CCDC186: variants seen among roughly 807,000 people sequenced by gnomAD.
CCDC186 encodes coiled-coil domain containing 186.
A neutral mutation model predicts 113.7 loss-of-function variants in CCDC186; 49 were observed. That is an observed-to-expected ratio of 0.43 (90% CI 0.34 to 0.55). CCDC186 has a LOEUF of 0.55. Among genes scored for constraint, CCDC186 ranks in the 20% least tolerant of loss-of-function variants. The probability of loss-of-function intolerance (pLI) is 0.02; values close to 1 mark genes in which losing one functional copy is unlikely to be tolerated. For missense variants in CCDC186, 890 were observed against 1,011.1 expected, an observed-to-expected ratio of 0.88 and a Z score of 1.62; for synonymous variants, 355 against 345.8, an observed-to-expected ratio of 1.03 and a Z score of -0.30.
chr10:114,145,719 T>C lies in CCDC186; in HGVS notation c.931A>G (p.Met311Val). 3 of 1,603,338 alleles carry C rather than the reference T, an allele frequency of 1.9e-6. No homozygotes were observed. In the South Asian group the frequency reaches 3.4e-5, roughly 18 times the overall value. Residue 311 changes from methionine (M) to valine (V), a missense_variant, in exon 5 of 16, where the codon ATG becomes GTG. Coordinates refer to ENST00000369287, the MANE Select transcript of CCDC186 (RefSeq NM_018017.4). ...CEEARQEKEA[M>V]VMKYVRGEKE... ...TCACCTCTTACATATTTCATTACCA[T>C]TGCTTCTTTTTCTTGGCGTGCCTCT...
At chr10:114,158,381 T>C (rs1010384933) in intron 2 of CCDC186, among the ~76,000 whole-genome samples, 1 of 152,184 alleles carries the variant, frequency 6.6e-6, no homozygotes, top group Admixed American at 6.5e-5. Context: ...AAATGTAAGA[T>C]GCCTAAGAAA....
intron 3 of CCDC186, among the ~76,000 whole-genome samples, chr10:114,154,227 AG>A (rs71476120): frequency 9.5e-4 from 141 of 147,870 alleles, no homozygotes; most frequent in African/African-American, 3.0e-3. Flanking sequence ...AAAAAAAAAA[AG>A]AAAAGAAAAA....
rs964013478 is a variant in CCDC186 at position 114,145,688 on chromosome 10, T to C, written c.962A>G (p.Glu321Gly). The C allele has an allele frequency of 6.2e-7, 1 of 1,612,908 alleles. No individual in the cohort carries two copies. The highest frequency in any genetic ancestry group is 8.5e-7 in the Non-Finnish European group (1 of 1,179,820). ...TTTTTCCTTTCGAAGATCTAAAGAT[T>C]CCTTCTCACCTCTTACATATTTCAT... is the stretch of plus-strand genomic sequence containing the variant. ...MVMKYVRGEK[E>G]SLDLRKEKET... The change falls in exon 5 of 16, where the codon GAA becomes GGA. Residue 321 changes from glutamate (E) to glycine (G), a missense_variant. Glu to Gly is a moderately conservative substitution (Grantham distance 98). Transcript: ENST00000369287.
At chr10:114,165,605 G>T (rs2032311732) in intron 1 of CCDC186, among the ~76,000 whole-genome samples, 1 of 152,150 alleles carries the variant, frequency 6.6e-6, no homozygotes, top group Non-Finnish European at 1.5e-5. Flanking sequence ...GCAGAGAACT[G>T]CTTGAACCCG....
Position 114,135,916 on chromosome 10 carries a change from TC to T in CCDC186, c.1486del (p.Asp496MetfsTer3). 1 of 1,612,976 alleles carries T rather than the reference TC, an allele frequency of 6.2e-7. No individual in the cohort carries two copies. On this transcript the variant is annotated frameshift_variant, in exon 9 of 16. Transcript: ENST00000369287. LOFTEE classifies it high-confidence loss of function. ...DLKRTFKEGMDELRTLRTKVK... is the reference protein window; with the variant it reads ...DLKRTFKEGMXELRTLRTKVK... ...CTTTGTTCTCAGTGTTCTTAACTCATCCATACCCTCCTTAAATGTTCTCTTC... is the reference window on the plus strand; with the variant it reads ...CTTTGTTCTCAGTGTTCTTAACTCATCATACCCTCCTTAAATGTTCTCTTC...
intron 5 of CCDC186, among the ~76,000 whole-genome samples, chr10:114,145,326 T>C (rs1252019017): frequency 1.6e-5 from 2 of 125,766 alleles, no homozygotes; most frequent in Admixed American, 7.9e-5. Flanking sequence ...ATAAACAACA[T>C]GTGCCAACAC....
intron 9 of CCDC186, 35 bp from the exon 10 acceptor site, chr10:114,135,090 T>A: frequency 6.4e-7 from 1 of 1,573,680 alleles, no homozygotes; most frequent in South Asian, 1.2e-5. Flanking sequence ...ACAAACCATG[T>A]ATTCTTGTTC....
At chr10:114,131,809 T>C (rs1205134959) in intron 11 of CCDC186, 120 bp downstream of exon 11, 14 of 776,820 alleles carry the variant, frequency 1.8e-5, no homozygotes, top group African/African-American at 1.6e-4. Flanking sequence ...GCAGTTGAAA[T>C]TGTCAGAAAG....
In CCDC186 at chr10:114,137,249, T is replaced by C. The variant is rs774266352; in HGVS notation, c.1263A>G (p.Thr421=). 1 of 1,613,834 alleles carries C rather than the reference T, an allele frequency of 6.2e-7. No individual in the cohort carries two copies. Among genetic ancestry groups the C allele is most frequent in the Admixed American group, 1.7e-5 (1 of 60,028 alleles). Residue 421 remains threonine (T), a synonymous_variant, in exon 7 of 16, where the codon ACA becomes ACG. Transcript: ENST00000369287. ...TCTGATCTGCTTCTTCCTTTGCTTG[T>C]GTTAATTTTGTTGTTGTTTCTTTGA... ...DKLKETTTKL[T]QAKEEADQIR...
At chr10:114,163,779 C>G (rs2032247655) in intron 1 of CCDC186, among the ~76,000 whole-genome samples, 1 of 152,114 alleles carries the variant, frequency 6.6e-6, no homozygotes, top group South Asian at 2.1e-4. Flanking sequence ...ACCAAGATAA[C>G]AAAACAACGC....
intron 5 of CCDC186, 121 bp from the exon 6 acceptor site, chr10:114,144,737 C>A: frequency 1.2e-6 from 1 of 805,646 alleles, no homozygotes; most frequent in Non-Finnish European, 1.8e-6. Flanking sequence ...ACACTATAGC[C>A]CACAGACTAT....
At chr10:114,158,493 G>A (rs2032074219) in intron 2 of CCDC186, among the ~76,000 whole-genome samples, 1 of 151,180 alleles carries the variant, frequency 6.6e-6, no homozygotes, top group South Asian at 2.1e-4. Flanking sequence ...TTAAAAAAGT[G>A]TATTATTTCA....
chr10:114,127,352 T>A, intron 14 of CCDC186, 109 bp downstream of exon 14: 1 of 996,140 alleles, frequency 1.0e-6, no homozygotes. Context: ...ATAACTATAA[T>A]TATTTTTTGA....
intron 4 of CCDC186, among the ~76,000 whole-genome samples, chr10:114,148,441 A>G (rs1156422594): frequency 6.6e-6 from 1 of 152,262 alleles, no homozygotes; most frequent in Non-Finnish European, 1.5e-5. Flanking sequence ...ACTGTAAGTA[A>G]GATGATTATC....
intron 13 of CCDC186, among the ~76,000 whole-genome samples, chr10:114,129,569 C>T (rs1436156205): frequency 2.0e-5 from 3 of 152,108 alleles, no homozygotes; most frequent in African/African-American, 4.8e-5. Flanking sequence ...CAGAGTCTTG[C>T]TCTGTTGCCC....
chr10:114,132,931 G>A (rs746657413), intron 10 of CCDC186, among the ~76,000 whole-genome samples: 5 of 152,184 alleles, frequency 3.3e-5, no homozygotes, highest in Admixed American at 2.0e-4. Context: ...ATCAACTACA[G>A]CTGAAATACA....
chr10:114,159,355 T>G (rs1426059531), intron 2 of CCDC186, among the ~76,000 whole-genome samples: 2 of 152,178 alleles, frequency 1.3e-5, no homozygotes, highest in Non-Finnish European at 2.9e-5. Flanking sequence ...ATGCATATTC[T>G]ATATACAGAC....
At chr10:114,142,421 C>T (rs1385640719) in intron 6 of CCDC186, among the ~76,000 whole-genome samples, 3 of 152,118 alleles carry the variant, frequency 2.0e-5, no homozygotes, top group African/African-American at 4.8e-5. Context: ...TATTGCTAGC[C>T]GTATATACGT....
At chr10:114,135,870 C>T (rs1476540945) in intron 9 of CCDC186, 21 bp downstream of exon 9, 1 of 1,554,414 alleles carries the variant, frequency 6.4e-7, no homozygotes, top group Non-Finnish European at 8.8e-7. Context: ...CCTCTGGATT[C>T]ATGACTAAAG....
Sources: gnomAD v4.1 joint callset for allele counts (sites outside exome capture counted in the v4.1 genomes callset) on GRCh38, gnomAD v4.1.1 for gene constraint, MANE v1.5 for transcripts, NCBI Gene and HGNC (gene_info 2026-07-23, HGNC 2026-07-21) for gene names.